Variants in GPC6 observed in about 807,000 individuals in gnomAD.
The protein encoded by GPC6 is glypican 6.
In GPC6, 14 loss-of-function variants were observed where a neutral mutation model predicts 55.2. The observed-to-expected ratio is 0.25, with a 90% CI of 0.17 to 0.40. GPC6 has a LOEUF of 0.40. Among genes scored for constraint, GPC6 ranks in the 10% least tolerant of loss-of-function variants. GPC6 has a pLI of 1.00. For missense variants in GPC6, 641 were observed against 708.5 expected (o/e 0.90, Z 1.08); for synonymous variants, 278 against 259.6 (o/e 1.07, Z -0.68).
chr13:94,141,574 C>T (rs749307559), intron 4 of GPC6, among the ~76,000 whole-genome samples: 2 of 152,118 alleles, frequency 1.3e-5, no homozygotes, highest in Middle Eastern at 3.2e-3. Context: ...CCAAGGACTT[C>T]GTTTTTCAGG....
chr13:93,939,300 G>GA (rs1594604297), intron 3 of GPC6, among the ~76,000 whole-genome samples: 1 of 150,474 alleles, frequency 6.6e-6, no homozygotes. Context: ...TGGGAATAAG[G>GA]AAAAAAATAT....
intron 1 of GPC6, among the ~76,000 whole-genome samples, chr13:93,258,866 C>A (rs1877041582): frequency 6.6e-6 from 1 of 152,120 alleles, no homozygotes; most frequent in South Asian, 2.1e-4. Flanking sequence ...GGGAGGATCC[C>A]TTGAACCCAG....
chr13:93,593,723 G>T (rs2139511914), intron 2 of GPC6, among the ~76,000 whole-genome samples: 1 of 152,094 alleles, frequency 6.6e-6, no homozygotes, highest in South Asian at 2.1e-4. Context: ...TTATCTTGCA[G>T]ATATACAAGT....
At chr13:93,561,806 C>A (rs1178582209) in intron 2 of GPC6, among the ~76,000 whole-genome samples, 12 of 152,170 alleles carry the variant, frequency 7.9e-5, no homozygotes, top group Non-Finnish European at 7.3e-5. Flanking sequence ...GTCACAGGCT[C>A]CTGCCTGAGC....
chr13:94,023,460 A>C (rs535224712), intron 3 of GPC6, among the ~76,000 whole-genome samples: 10 of 152,084 alleles, frequency 6.6e-5, no homozygotes, highest in Non-Finnish European at 1.2e-4. Flanking sequence ...AAAGGCTAAA[A>C]TAGTGACAGT....
At chr13:93,521,730 C>T (rs1413296226) in intron 1 of GPC6, among the ~76,000 whole-genome samples, 1 of 151,858 alleles carries the variant, frequency 6.6e-6, no homozygotes, top group Admixed American at 6.6e-5. Context: ...ATTTCTTGTG[C>T]TAACATTAAG....
intron 2 of GPC6, among the ~76,000 whole-genome samples, chr13:93,559,379 A>T (rs572708138): frequency 3.3e-5 from 5 of 152,328 alleles, no homozygotes; most frequent in Non-Finnish European, 7.4e-5. Context: ...ACAGTATTAT[A>T]CACAAATATA....
chr13:93,819,242 C>T (rs1171404829), intron 2 of GPC6, among the ~76,000 whole-genome samples: 1 of 152,096 alleles, frequency 6.6e-6, no homozygotes, highest in Non-Finnish European at 1.5e-5. Context: ...TAGCAAAAAA[C>T]TAGCTTTGGG....
intron 3 of GPC6, among the ~76,000 whole-genome samples, chr13:93,845,718 T>C (rs961183127): frequency 2.0e-5 from 3 of 148,378 alleles, no homozygotes; most frequent in South Asian, 2.2e-4. Flanking sequence ...TCATTCTCAG[T>C]AAACTATCGC....
chr13:94,266,420 G>T (rs1428361218), intron 4 of GPC6, among the ~76,000 whole-genome samples: 6 of 152,096 alleles, frequency 3.9e-5, no homozygotes, highest in African/African-American at 9.7e-5. Flanking sequence ...CGCCCGCCTT[G>T]GCCTCCCAAA....
chr13:93,537,542 G>A (rs1882108845), intron 1 of GPC6, among the ~76,000 whole-genome samples: 1 of 145,376 alleles, frequency 6.9e-6, no homozygotes, highest in Non-Finnish European at 1.5e-5. Context: ...CATTTTGTGT[G>A]TTTACACGTG....
intron 2 of GPC6, among the ~76,000 whole-genome samples, chr13:93,723,356 A>G (rs1883516786): frequency 6.6e-6 from 1 of 151,884 alleles, no homozygotes; most frequent in Non-Finnish European, 1.5e-5. Context: ...TGATCTCTGT[A>G]CCCTGGTGTG....
intron 2 of GPC6, among the ~76,000 whole-genome samples, chr13:93,764,297 A>G (rs1885042884): frequency 6.9e-6 from 1 of 145,014 alleles, no homozygotes; most frequent in Admixed American, 6.8e-5. Context: ...CAACAATAGC[A>G]TTTTTAGGAA....
intron 3 of GPC6, among the ~76,000 whole-genome samples, chr13:93,843,190 A>G (rs1430004831): frequency 6.6e-6 from 1 of 151,906 alleles, no homozygotes; most frequent in African/African-American, 2.4e-5. Context: ...ATAATTCCCT[A>G]AACAGCCTTA....
chr13:93,350,460 A>T (rs1880594485), intron 1 of GPC6, among the ~76,000 whole-genome samples: 1 of 152,132 alleles, frequency 6.6e-6, no homozygotes, highest in South Asian at 2.1e-4. Context: ...TAAATTCTTA[A>T]ATGTCTTAGT....
intron 3 of GPC6, among the ~76,000 whole-genome samples, chr13:93,860,287 G>A (rs1888768418): frequency 6.6e-6 from 1 of 151,480 alleles, no homozygotes; most frequent in Middle Eastern, 3.2e-3. Context: ...CTTAAAATAG[G>A]GACCATGTAT....
intron 3 of GPC6, among the ~76,000 whole-genome samples, chr13:94,012,313 G>A (rs1882279858): frequency 6.6e-6 from 1 of 152,074 alleles, no homozygotes; most frequent in African/African-American, 2.4e-5. Context: ...TACTTTGCAG[G>A]GTGAGGTTAA....
At chr13:94,401,608 C>T (rs1471954219) in intron 8 of GPC6, among the ~76,000 whole-genome samples, 1 of 151,586 alleles carries the variant, frequency 6.6e-6, no homozygotes, top group East Asian at 1.9e-4. Flanking sequence ...GCCACATCGT[C>T]TCTGCCACCA....
chr13:93,220,790 A>G, the GPC6 span, among the ~76,000 whole-genome samples: 9 of 152,228 alleles, frequency 5.9e-5, no homozygotes, highest in African/African-American at 1.7e-4. Context: ...TATATTTAAT[A>G]CCTAAGATGT....
Sources: allele counts gnomAD v4.1 joint callset (sites outside exome capture counted in the v4.1 genomes callset), GRCh38; gene constraint gnomAD v4.1.1; transcripts MANE v1.5; gene names NCBI Gene and HGNC (gene_info 2026-07-23, HGNC 2026-07-21).